Variants in IPCEF1 observed in about 807,000 individuals in gnomAD.
The protein encoded by IPCEF1 is interactor protein for cytohesin exchange factors 1.
IPCEF1 carries 31 observed loss-of-function variants against 50.9 expected under a neutral mutation model. The ratio of observed to expected loss-of-function variants is 0.61; its 90% CI spans 0.46 to 0.82. The LOEUF (loss-of-function observed/expected upper bound fraction) is 0.82, where lower values mean the gene tolerates loss of function less well. IPCEF1 is among the 40% of genes least tolerant of loss of function. The pLI, the probability that IPCEF1 is intolerant of heterozygous loss-of-function variation, is 0.00. For synonymous variants in IPCEF1, 181 were observed against 192.0 expected (o/e 0.94, Z 0.47); for missense variants, 458 against 514.0 (o/e 0.89, Z 1.05).
chr6:154,347,847 C>A (rs1784060759), intron 1 of IPCEF1, among the ~76,000 whole-genome samples: 1 of 152,166 alleles, frequency 6.6e-6, no homozygotes, highest in African/African-American at 2.4e-5. Context: ...GTTTGGTGCT[C>A]AATGCCTGAA....
intron 11 of IPCEF1, among the ~76,000 whole-genome samples, chr6:154,163,381 C>T (rs1466302529): frequency 6.6e-6 from 1 of 152,182 alleles, no homozygotes; most frequent in East Asian, 1.9e-4. Context: ...TTTCCTTTTT[C>T]AGATTTTACA....
intron 2 of IPCEF1, among the ~76,000 whole-genome samples, chr6:154,268,588 A>C (rs1225266953): frequency 6.6e-6 from 1 of 151,936 alleles, no homozygotes; most frequent in Non-Finnish European, 1.5e-5. Context: ...ACATCTGACT[A>C]TTCACCTCTG....
At chr6:154,323,563 C>A (rs948868788) in intron 1 of IPCEF1, among the ~76,000 whole-genome samples, 10 of 149,510 alleles carry the variant, frequency 6.7e-5, no homozygotes, top group African/African-American at 2.5e-4. Context: ...ATTTGCATTA[C>A]TATCTTTGTC....
chr6:154,244,249 C>CT (rs1780835771), intron 5 of IPCEF1, among the ~76,000 whole-genome samples: 1 of 151,656 alleles, frequency 6.6e-6, no homozygotes. Context: ...ATTGAGTAGC[C>CT]TTTTTTCCCT....
chr6:154,247,790 G>A lies in IPCEF1; in HGVS notation c.37-302C>T, dbSNP rs1440447486. 2.3e-5 allele frequency: 7 copies of A among 301,242 alleles called. No homozygotes were observed. The East Asian group carries it at 3.3e-4, about 14-fold the overall frequency. 18.7% of individuals were successfully genotyped at this position (301,242 alleles called of 1,614,324 possible). On this transcript the variant is annotated intron_variant, in intron 3 of 11. Coordinates refer to ENST00000367220, the MANE Select transcript of IPCEF1 (RefSeq NM_001130700.2). ...TTAGTTATGATAGCACAGTGTTCAC[G>A]GAAGTTTTAAAAATCAAAAAATATT...
chr6:154,220,590 C>T lies in IPCEF1; in HGVS notation c.392+667G>A, dbSNP rs142020349. ...TCAGGATGCAGAGGTTGCAGTGAGCCGAGATCGCACCACTGCACTCCAGCC... is the reference window on the plus strand; with the variant it reads ...TCAGGATGCAGAGGTTGCAGTGAGCTGAGATCGCACCACTGCACTCCAGCC... On this transcript the variant is annotated intron_variant, in intron 7 of 11. Coordinates refer to ENST00000367220, the MANE Select transcript of IPCEF1 (RefSeq NM_001130700.2). 1.8e-3 allele frequency among the ~76,000 whole-genome samples: 268 copies of T among 152,168 alleles called. 2 individuals carry two copies. Among genetic ancestry groups the T allele is most frequent in the African/African-American group, 6.2e-3 (256 of 41,492 alleles).
At chr6:154,190,096 A>T (rs1365849603) in intron 10 of IPCEF1, among the ~76,000 whole-genome samples, 1 of 152,204 alleles carries the variant, frequency 6.6e-6, no homozygotes, top group South Asian at 2.1e-4. Context: ...TGTACTTCCT[A>T]TACTTATATT....
rs567977636 is a variant in IPCEF1, at chr6:154,273,792, C to G, written c.-17-7828G>C. Among the ~76,000 whole-genome samples the G allele has an allele frequency of 2.3e-4, 26 of 113,926 alleles. No individual in the cohort carries two copies. In the East Asian group the frequency reaches 4.5e-3, roughly 20 times the overall value. 74.7% of individuals were successfully genotyped at this position (113,926 alleles called of 152,430 possible). ...TTTTTGAGGCAGAGTCTCCCTCTGTCGCCCAGGCTGGAGTGCAGTGGCGCC... is the reference window on the plus strand; with the variant it reads ...TTTTTGAGGCAGAGTCTCCCTCTGTGGCCCAGGCTGGAGTGCAGTGGCGCC... On this transcript the variant is annotated intron_variant, in intron 2 of 11. Transcript: ENST00000367220.
chr6:154,183,592 C>T (rs995452801), intron 10 of IPCEF1, among the ~76,000 whole-genome samples: 1 of 152,142 alleles, frequency 6.6e-6, no homozygotes, highest in Non-Finnish European at 1.5e-5. Flanking sequence ...AACTACCATA[C>T]TGACAAAGTG....
intron 10 of IPCEF1, among the ~76,000 whole-genome samples, chr6:154,182,202 G>A (rs911498462): frequency 6.6e-6 from 1 of 152,134 alleles, no homozygotes; most frequent in African/African-American, 2.4e-5. Context: ...GCTTCATTTT[G>A]ATTTCCCTCA....
At chr6:154,332,230 T>C (rs1290651023) in intron 1 of IPCEF1, among the ~76,000 whole-genome samples, 1 of 152,062 alleles carries the variant, frequency 6.6e-6, no homozygotes, top group Non-Finnish European at 1.5e-5. Context: ...GATATTTTTA[T>C]ACTTCTCTCC....
At position 154,200,028 on chromosome 6, in the gene IPCEF1, C is replaced by G; in HGVS notation, c.550G>C (p.Ala184Pro). ...SQTQSLTAQQASSSSPSLSGT... is the reference protein window; with the variant it reads ...SQTQSLTAQQPSSSSPSLSGT... Reference sequence around the variant, plus strand: ...CTCAGGCTGGGTGAGGATGAAGATGCCTGCTGTGCAGTCTATTTTTCACAA... The same window carrying G: ...CTCAGGCTGGGTGAGGATGAAGATGGCTGCTGTGCAGTCTATTTTTCACAA... Residue 184 changes from alanine (A) to proline (P), a missense_variant, in exon 10 of 12, where the codon GCA (alanine) becomes CCA (proline). Coordinates refer to ENST00000367220, the MANE Select transcript of IPCEF1 (RefSeq NM_001130700.2). 1 of 1,607,886 alleles carries G rather than the reference C, an allele frequency of 6.2e-7. No homozygotes were observed. The highest frequency in any genetic ancestry group is 8.5e-7 in the Non-Finnish European group (1 of 1,177,288).
chr6:154,241,086 C>T (rs969086345), intron 5 of IPCEF1, among the ~76,000 whole-genome samples: 4 of 151,592 alleles, frequency 2.6e-5, no homozygotes, highest in African/African-American at 7.3e-5. Context: ...AAATACAAAA[C>T]TTAGCTGGGC....
intron 5 of IPCEF1, among the ~76,000 whole-genome samples, chr6:154,230,022 T>C (rs540461917): frequency 6.6e-6 from 1 of 152,104 alleles, no homozygotes; most frequent in African/African-American, 2.4e-5. Flanking sequence ...GGCAAATCTA[T>C]AGAGACAGAA....
Position 154,247,482 on chromosome 6 carries a change from G to C in IPCEF1, c.43C>G (p.Pro15Ala), listed in dbSNP as rs748523467. Reference protein sequence around the residue: ...MAIDGSALQVPLRQKPRRKTQ... With the variant: ...MAIDGSALQVALRQKPRRKTQ... The stretch of plus-strand genomic sequence containing the variant: ...TTCCTCCTGGGCTTCTGACGCAAGG[G>C]AACCTGCTGAAAATGCAGGAAGGAA... The change falls in exon 4 of 12, where the codon CCC (proline) becomes GCC (alanine). Residue 15 changes from proline to alanine, a missense_variant. Transcript: ENST00000367220. The C allele has an allele frequency of 6.2e-7, 1 of 1,612,276 alleles. No individual in the cohort carries two copies. Among genetic ancestry groups the C allele is most frequent in the Non-Finnish European group, 8.5e-7 (1 of 1,178,628 alleles).
chr6:154,283,460 C>T (rs1344698391), intron 2 of IPCEF1, among the ~76,000 whole-genome samples: 7 of 150,538 alleles, frequency 4.6e-5, no homozygotes, highest in Admixed American at 2.7e-4. Flanking sequence ...TAGCCAGGTG[C>T]GGTGGTGGGC....
chr6:154,331,430 AG>A (rs1783670018), intron 1 of IPCEF1, among the ~76,000 whole-genome samples: 1 of 149,984 alleles, frequency 6.7e-6, no homozygotes, highest in South Asian at 2.1e-4. Flanking sequence ...AAAGAGAGAG[AG>A]AGAAAGAAAG....
chr6:154,268,638 G>A (rs1016280582), intron 2 of IPCEF1, among the ~76,000 whole-genome samples: 2 of 152,022 alleles, frequency 1.3e-5, no homozygotes, highest in African/African-American at 4.8e-5. Flanking sequence ...TTTAAATAAA[G>A]ATCAAAATTG....
chr6:154,278,940 C>A (rs1314684382), intron 2 of IPCEF1, among the ~76,000 whole-genome samples: 3 of 149,126 alleles, frequency 2.0e-5, no homozygotes, highest in Admixed American at 6.7e-5. Flanking sequence ...CATGGTGAAA[C>A]CCTGTCTCTA....
Sources: gnomAD v4.1 joint callset for allele counts (sites outside exome capture counted in the v4.1 genomes callset) on GRCh38, gnomAD v4.1.1 for gene constraint, MANE v1.5 for transcripts, NCBI Gene and HGNC (gene_info 2026-07-23, HGNC 2026-07-21) for gene names.